The following AKT1 variants were observed in gnomAD, a reference collection of about 807,000 sequenced individuals.
AKT1 encodes RAC-alpha serine/threonine-protein kinase.
In AKT1, 21 loss-of-function variants were observed where a neutral mutation model predicts 63.1. That is an observed-to-expected ratio of 0.33 (90% confidence interval 0.24 to 0.48). The LOEUF is 0.48. Among genes scored for constraint, AKT1 ranks in the 20% least tolerant of loss-of-function variants. The pLI, the probability that AKT1 is intolerant of heterozygous loss-of-function variation, is 0.99. For missense variants in AKT1, 382 were observed against 666.0 expected, an observed-to-expected ratio of 0.57 and a Z score of 4.69; for synonymous variants, 257 against 253.1, an observed-to-expected ratio of 1.02 and a Z score of -0.15.
chr14:104,772,733 T>G, intron 12 of AKT1, 145 bp downstream of exon 12: 1 of 987,666 alleles, frequency 1.0e-6, no homozygotes. Flanking sequence ...GCCTGAGGCT[T>G]TGGAGATCAG....
intron 5 of AKT1, 100 bp downstream of exon 5, chr14:104,776,559 G>C (rs1892726686): frequency 9.8e-7 from 1 of 1,016,858 alleles, no homozygotes; most frequent in Admixed American, 2.3e-5. Flanking sequence ...GGGGAGTGAG[G>C]ATGGCTACAG....
chr14:104,784,647 C>G (rs1240090724), intron 3 of AKT1, among the ~76,000 whole-genome samples: 1 of 152,172 alleles, frequency 6.6e-6, no homozygotes, highest in Non-Finnish European at 1.5e-5. Flanking sequence ...TCCTGCCTGG[C>G]CTCCCCCAAC....
Position 104,775,115 on chromosome 14 carries a change from G to A in AKT1, c.528C>T (p.Tyr176=), listed in dbSNP as rs1422460834. The A allele has an allele frequency of 6.2e-6, 10 of 1,613,976 alleles. No homozygotes were observed. In the African/African-American group the frequency reaches 9.3e-5, roughly 15 times the overall value. ...LVKEKATGRY[Y]AMKILKKEVI... is the part of the protein sequence containing the mutation. Reference sequence around the variant, plus strand: ...CTTCCTTCTTGAGGATCTTCATGGCGTAGTAGCGGCCTGTGGCCTTCTCCT... The same window carrying A: ...CTTCCTTCTTGAGGATCTTCATGGCATAGTAGCGGCCTGTGGCCTTCTCCT... Residue 176 remains tyrosine (Y), a synonymous_variant, in exon 7 of 15, where the codon TAC becomes TAT. Coordinates refer to ENST00000649815, the MANE Select transcript of AKT1 (RefSeq NM_001382430.1).
At chr14:104,784,069 T>C (rs2140973774) in intron 3 of AKT1, among the ~76,000 whole-genome samples, 1 of 152,232 alleles carries the variant, frequency 6.6e-6, no homozygotes, top group South Asian at 2.1e-4. Flanking sequence ...TCCTGCCCCA[T>C]GGCCGGTTCC....
At position 104,789,357 on chromosome 14, in the gene AKT1, A is replaced by AC. The variant is rs1480072554; in HGVS notation, c.46+3240dup. On this transcript the variant is annotated intron_variant, in intron 3 of 14. Transcript: ENST00000649815. ...AAAACAGGCTCCAGGCCGGGGCTGC[A>AC]CCAGGGCAGCTCTCCACGGGGCTAG... is the stretch of plus-strand genomic sequence containing the variant. Among the ~76,000 whole-genome samples the AC allele has an allele frequency of 4.6e-5, 7 of 152,364 alleles. No individual in the cohort carries two copies. The East Asian group carries it at 1.4e-3, about 29-fold the overall frequency.
intron 4 of AKT1, 46 bp downstream of exon 4, chr14:104,780,042 G>A (rs2140948022): frequency 6.2e-7 from 1 of 1,600,010 alleles, no homozygotes; most frequent in Non-Finnish European, 8.5e-7. Flanking sequence ...GAGGGCTCCA[G>A]CCAACCCCCC....
chr14:104,772,122 C>A, intron 13 of AKT1: 1 of 584,158 alleles, frequency 1.7e-6, no homozygotes, highest in Non-Finnish European at 3.1e-6. Flanking sequence ...GAGTGTGACA[C>A]ACCTCCGAGG....
intron 4 of AKT1, among the ~76,000 whole-genome samples, chr14:104,778,913 C>T (rs1363225072): frequency 6.6e-6 from 1 of 152,206 alleles, no homozygotes; most frequent in East Asian, 1.9e-4. Context: ...CTGCCTGAGA[C>T]AGATCCCAGA....
At chr14:104,774,876 A>C in intron 8 of AKT1, 62 bp downstream of exon 8, 1 of 1,543,798 alleles carries the variant, frequency 6.5e-7, no homozygotes, top group Non-Finnish European at 8.8e-7. Flanking sequence ...CGTCCCCTAG[A>C]GACAGCCCCA....
chr14:104,780,627 G>C (rs1375515330), intron 3 of AKT1, among the ~76,000 whole-genome samples: 1 of 152,200 alleles, frequency 6.6e-6, no homozygotes, highest in Non-Finnish European at 1.5e-5. Flanking sequence ...AGGGGCTGCG[G>C]GGCTGACAGC....
At position 104,783,960 on chromosome 14, in the gene AKT1, G is replaced by T. The variant is rs192682199; in HGVS notation, c.47-3744C>A. 3.9e-5 allele frequency among the ~76,000 whole-genome samples: 6 copies of T among 152,338 alleles called. No individual in the cohort carries two copies. The East Asian group carries it at 5.8e-4, about 15-fold the overall frequency. ...CACACCACTGCCAGAAGACCTGAGT[G>T]GGGGGCCGAGTGGAGGACGGCACTG... On this transcript the variant is annotated intron_variant, in intron 3 of 14. Coordinates refer to ENST00000649815, the MANE Select transcript of AKT1 (RefSeq NM_001382430.1).
In AKT1 at chr14:104,774,922, C is replaced by G. The variant is rs760234406; in HGVS notation, c.633+16G>C. 1 of 1,607,928 alleles carries G rather than the reference C, an allele frequency of 6.2e-7. No homozygotes were observed. The highest frequency in any genetic ancestry group is 8.5e-7 in the Non-Finnish European group (1 of 1,177,696). On this transcript the variant is annotated intron_variant, in intron 8 of 14. Coordinates refer to ENST00000649815, the MANE Select transcript of AKT1 (RefSeq NM_001382430.1). ...CCTGGCCCCAGCCCTTCAGCCCCAT[C>G]TGGGCTCCCACTCACTGTGAGGAAG... is the stretch of plus-strand genomic sequence containing the variant.
chr14:104,779,408 G>A (rs1222843264), intron 4 of AKT1, among the ~76,000 whole-genome samples: 2 of 152,214 alleles, frequency 1.3e-5, no homozygotes, highest in African/African-American at 4.8e-5. Context: ...CTTCAGAGCT[G>A]GAGACCCCAA....
rs184922082 is a variant in AKT1, at chr14:104,791,827, G to A, written c.46+771C>T. Reference sequence around the variant, plus strand: ...AGTCAGGAGAGGGCGGACCGATTCCGCCTGGGGCAGAAGAGAGTGACTTGG... The same window carrying A: ...AGTCAGGAGAGGGCGGACCGATTCCACCTGGGGCAGAAGAGAGTGACTTGG... On this transcript the variant is annotated intron_variant, in intron 3 of 14. Coordinates refer to ENST00000649815, the MANE Select transcript of AKT1 (RefSeq NM_001382430.1). Among the ~76,000 whole-genome samples the A allele has an allele frequency of 1.2e-3, 183 of 152,346 alleles. 1 individual carries two copies. In the Middle Eastern group the frequency reaches 0.027, roughly 23 times the overall value.
intron 3 of AKT1, among the ~76,000 whole-genome samples, chr14:104,784,945 A>G (rs1893256134): frequency 1.3e-5 from 2 of 152,218 alleles, no homozygotes; most frequent in Admixed American, 1.3e-4. Context: ...CAAAGTCCCC[A>G]GTTCTCAGGA....
chr14:104,777,359 CTG>C (rs1363640234), intron 4 of AKT1: 1 of 232,378 alleles, frequency 4.3e-6, no homozygotes, highest in Non-Finnish European at 7.9e-6. Context: ...CACACACACA[CTG>C]GAGGCAAAGC....
At chr14:104,790,535 G>A (rs1317288331) in intron 3 of AKT1, among the ~76,000 whole-genome samples, 5 of 152,216 alleles carry the variant, frequency 3.3e-5, no homozygotes, top group African/African-American at 7.2e-5. Flanking sequence ...CGGGAGTGGC[G>A]AAATGCGGCA....
intron 14 of AKT1, 29 bp downstream of exon 14, chr14:104,770,716 G>A: frequency 6.3e-7 from 1 of 1,587,822 alleles, no homozygotes; most frequent in Non-Finnish European, 8.6e-7. Context: ...AGAAAAGGGA[G>A]TGGGCGGGGG....
At chr14:104,776,978 C>T (rs1892752714) in intron 4 of AKT1, 3 of 536,072 alleles carry the variant, frequency 5.6e-6, no homozygotes, top group Admixed American at 6.7e-5. Context: ...CTACTCCAGG[C>T]TGAGGCAGCC....
Sources: gnomAD v4.1 joint callset for allele counts (sites outside exome capture counted in the v4.1 genomes callset) on GRCh38, gnomAD v4.1.1 for gene constraint, MANE v1.5 for transcripts, NCBI Gene and HGNC (gene_info 2026-07-23, HGNC 2026-07-21) for gene names.